Variants in FKBP15 observed in about 807,000 individuals in gnomAD.
The protein encoded by FKBP15 is FKBP prolyl isomerase family member 15.
In FKBP15, 106 loss-of-function variants were observed where a neutral mutation model predicts 158.1. The observed-to-expected ratio is 0.67, with a 90% CI of 0.57 to 0.79. The LOEUF (loss-of-function observed/expected upper bound fraction) is 0.79, where lower values mean the gene tolerates loss of function less well. Among genes scored for constraint, FKBP15 ranks in the 30% least tolerant of loss-of-function variants. The pLI, the probability that FKBP15 is intolerant of heterozygous loss-of-function variation, is 0.00. For synonymous variants in FKBP15, 547 were observed against 548.6 expected, an observed-to-expected ratio of 1.00 and a Z score of 0.04; for missense variants, 1,287 against 1,479.1, an observed-to-expected ratio of 0.87 and a Z score of 2.13.
chr9:113,211,343 G>A, intron 2 of FKBP15, 134 bp downstream of exon 2: 1 of 583,126 alleles, frequency 1.7e-6, no homozygotes. Context: ...ATTTTTTTTA[G>A]AGATGGGGTT....
Position 113,184,338 on chromosome 9 carries a change from G to A in FKBP15, c.1670C>T (p.Thr557Ile). The A allele has an allele frequency of 6.2e-7, 1 of 1,606,562 alleles. No individual in the cohort carries two copies. The highest frequency in any genetic ancestry group is 8.5e-7 in the Non-Finnish European group (1 of 1,176,222). The change falls in exon 17 of 28, where the codon ACA becomes ATA. Residue 557 changes from threonine (T) to isoleucine (I), a missense_variant. Physicochemically the swap from Thr to Ile is moderately conservative, Grantham distance 89. Transcript: ENST00000238256. This position sits in a 1 kb window ranked among gnomAD's most constrained non-coding sequence, Gnocchi z 4.5. ...NSMLIPSMSV[T>I]METSMIMSNI... ...GCTCATAATCATGCTTGTTTCCATT[G>A]TAACTGACATGCTAGGAATAAGCAT...
At chr9:113,195,362 T>C (rs537238476) in intron 9 of FKBP15, among the ~76,000 whole-genome samples, 34 of 152,350 alleles carry the variant, frequency 2.2e-4, no homozygotes, top group African/African-American at 6.7e-4. Flanking sequence ...TCTTTGATTA[T>C]TGGTAAAACA....
At chr9:113,166,215 C>T (rs1000503265) in intron 27 of FKBP15, 60 bp from the exon 28 acceptor site, 1 of 1,456,726 alleles carries the variant, frequency 6.9e-7, no homozygotes, top group South Asian at 1.2e-5. Context: ...GGACTTTCCA[C>T]CTGTGAGTGG....
rs768946820 is a variant in FKBP15, at chr9:113,161,523, G to A, written c.*4555C>T. 3.7e-6 allele frequency: 6 copies of A among 1,613,896 alleles called. No individual in the cohort carries two copies. The highest frequency in any genetic ancestry group is 1.7e-6 in the Non-Finnish European group (2 of 1,179,890). ...TCCTTTGACAGGCATGGCCCTTTCG[G>A]TGTTGGTGCTCCTGCTTCTGGCTGT... On this transcript the variant is annotated 3_prime_UTR_variant, in exon 28 of 28. Transcript: ENST00000238256.
At chr9:113,220,418 C>CT (rs111302574) in intron 1 of FKBP15, among the ~76,000 whole-genome samples, 44 of 152,312 alleles carry the variant, frequency 2.9e-4, no homozygotes, top group African/African-American at 1.0e-3. Context: ...CCCTTCCTCT[C>CT]TTTAAAGATT....
At chr9:113,208,880 C>T (rs1042255954) in intron 2 of FKBP15, among the ~76,000 whole-genome samples, 1 of 151,760 alleles carries the variant, frequency 6.6e-6, no homozygotes, top group South Asian at 2.1e-4. Flanking sequence ...GGTGGGTGCA[C>T]CTGGAGTCCC....
In FKBP15 at chr9:113,173,521, G is replaced by A; in HGVS notation, c.2464C>T (p.Gln822Ter). Residue 822 changes from glutamine to a stop codon, truncating the protein, a stop_gained, in exon 23 of 28, where the codon CAG (glutamine) becomes TAG (stop). Coordinates refer to ENST00000238256, the MANE Select transcript of FKBP15 (RefSeq NM_015258.2). LOFTEE classifies it high-confidence loss of function. Reference protein sequence around the residue: ...LLASAKDEHLQQYQEVCAQRD... With the variant: ...LLASAKDEHL The stretch of plus-strand genomic sequence containing the variant: ...TGTGCGCACACCTCCTGGTACTGCT[G>A]CAGGTGCTCATCCTTGGCGGAGGCC... 1 of 1,613,972 alleles carries A rather than the reference G, an allele frequency of 6.2e-7. No homozygotes were observed. The highest frequency in any genetic ancestry group is 1.1e-5 in the South Asian group (1 of 91,084).
intron 18 of FKBP15, 88 bp from the exon 19 acceptor site, chr9:113,182,956 A>G (rs1269579064): frequency 9.5e-7 from 1 of 1,051,408 alleles, no homozygotes; most frequent in African/African-American, 1.6e-5. Flanking sequence ...TCCTCACAAC[A>G]TTGCTGCTCT....
intron 1 of FKBP15, among the ~76,000 whole-genome samples, chr9:113,214,978 AAG>A (rs1831089518): frequency 1.3e-5 from 2 of 152,342 alleles, no homozygotes; most frequent in South Asian, 2.1e-4. Context: ...CAGAATTGAA[AAG>A]AGTTAGGGCC....
At chr9:113,215,644 A>ATT (rs1285341545) in intron 1 of FKBP15, among the ~76,000 whole-genome samples, 199 of 61,590 alleles carry the variant, frequency 3.2e-3, no homozygotes, top group East Asian at 4.1e-3. Flanking sequence ...ATATATATAT[A>ATT]TTTTTTTTTT....
At position 113,197,061 on chromosome 9, in the gene FKBP15, C is replaced by A. The variant is rs200426044; in HGVS notation, c.735G>T (p.Met245Ile). 2.1e-4 allele frequency: 344 copies of A among 1,613,850 alleles called. No homozygotes were observed. The highest frequency in any genetic ancestry group is 2.8e-4 in the Admixed American group (17 of 60,016). Residue 245 changes from methionine to isoleucine, a missense_variant, in exon 9 of 28, where the codon ATG becomes ATT. Physicochemically the swap from Met to Ile is conservative, Grantham distance 10. Transcript: ENST00000238256. ...GCTTTCCTCCTTTTTTCATGCCCAG[C>A]ATTCCATCCTCCCAGCCCTTTAAAA... is the stretch of plus-strand genomic sequence containing the variant. ...GKVIKGWEDG[M>I]LGMKKGGKRL...
intron 13 of FKBP15, 39 bp downstream of exon 13, chr9:113,188,350 C>G: frequency 6.8e-7 from 1 of 1,480,364 alleles, no homozygotes; most frequent in South Asian, 1.1e-5. Context: ...TTCATGCTGA[C>G]CCAGTTCAAG....
intron 21 of FKBP15, among the ~76,000 whole-genome samples, chr9:113,174,819 T>TCC (rs1587952661): frequency 2.8e-4 from 2 of 7,250 alleles, no homozygotes; most frequent in African/African-American, 4.8e-4. Flanking sequence ...GCTAGGGAAA[T>TCC]TGGGAGGCCG....
intron 1 of FKBP15, among the ~76,000 whole-genome samples, chr9:113,215,795 G>GT (rs2118961599): frequency 6.6e-6 from 1 of 150,984 alleles, no homozygotes; most frequent in African/African-American, 2.4e-5. Context: ...GATTACAGGC[G>GT]TGCATCACCA....
rs1305299138 is a variant in FKBP15 at position 113,161,127 on chromosome 9, C to CTAT, written c.*4948_*4950dup. 2 of 182,920 alleles carry CTAT rather than the reference C, an allele frequency of 1.1e-5. No homozygotes were observed. The highest frequency in any genetic ancestry group is 4.8e-5 in the African/African-American group (2 of 41,916). 11.3% of individuals were successfully genotyped at this position (182,920 alleles called of 1,614,324 possible). ...CCTGTATCCTACTTTGCTGAGATAA[C>CTAT]TATTACTCTTGTGCTATTTATCTTT... is the stretch of plus-strand genomic sequence containing the variant. On this transcript the variant is annotated 3_prime_UTR_variant, in exon 28 of 28. Transcript: ENST00000238256.
At chr9:113,179,981 G>A (rs1183983783) in intron 19 of FKBP15, among the ~76,000 whole-genome samples, 1 of 152,072 alleles carries the variant, frequency 6.6e-6, no homozygotes, top group Non-Finnish European at 1.5e-5. Flanking sequence ...GCTTCAAATG[G>A]CCTAATGAAA....
chr9:113,218,393 A>T (rs201125376), intron 1 of FKBP15, among the ~76,000 whole-genome samples: 16,885 of 108,148 alleles, frequency 0.16, 1,201 homozygotes, highest in African/African-American at 0.23. Context: ...ATATATATAT[A>T]TATATATATA....
intron 1 of FKBP15, among the ~76,000 whole-genome samples, chr9:113,215,605 C>CGT (rs58387523): frequency 0.012 from 1,150 of 99,324 alleles, 17 homozygotes; most frequent in Middle Eastern, 0.017. Context: ...TATATGTGTG[C>CGT]GTGTGTGTGT....
intron 19 of FKBP15, among the ~76,000 whole-genome samples, chr9:113,182,196 A>C (rs1830410848): frequency 6.6e-6 from 1 of 152,198 alleles, no homozygotes; most frequent in Non-Finnish European, 1.5e-5. Context: ...AAAAGTCAGG[A>C]TCTCCTAGCT....
Sources: gnomAD v4.1 joint callset for allele counts (sites outside exome capture counted in the v4.1 genomes callset) on GRCh38, gnomAD v4.1.1 for gene constraint, Gnocchi (gnomAD v3.1) non-coding constraint, MANE v1.5 for transcripts, NCBI Gene and HGNC (gene_info 2026-07-23, HGNC 2026-07-21) for gene names.